The following CFAP20DC variants were observed in gnomAD, a reference collection of about 807,000 sequenced individuals.
CFAP20DC encodes protein CFAP20DC.
Under a neutral mutation model 101.7 loss-of-function variants are expected in CFAP20DC, and 84 were observed. The ratio of observed to expected loss-of-function variants is 0.83; its 90% CI spans 0.69 to 0.99. The LOEUF (loss-of-function observed/expected upper bound fraction) is 0.99. CFAP20DC is among the 50% of genes least tolerant of loss of function. CFAP20DC has a pLI of 0.00. For synonymous variants in CFAP20DC, 359 were observed against 351.2 expected, an observed-to-expected ratio of 1.02 and a Z score of -0.25; for missense variants, 1,007 against 970.3, an observed-to-expected ratio of 1.04 and a Z score of -0.50.
At chr3:58,905,541 T>C (rs543177704) in intron 6 of CFAP20DC, among the ~76,000 whole-genome samples, 1 of 152,274 alleles carries the variant, frequency 6.6e-6, no homozygotes, top group Non-Finnish European at 1.5e-5. Context: ...TGATGCAAGA[T>C]TCCAAAAAAT....
intron 3 of CFAP20DC, among the ~76,000 whole-genome samples, chr3:58,720,490 G>A (rs902188182): frequency 6.6e-6 from 1 of 152,172 alleles, no homozygotes. Context: ...TACCTCCAGA[G>A]GCTTATTAAC....
At chr3:58,866,405 A>G (rs144785487) in intron 11 of CFAP20DC, 161 bp downstream of exon 11, 24 of 542,688 alleles carry the variant, frequency 4.4e-5, no homozygotes, top group African/African-American at 4.3e-4. Context: ...CATCCATTAA[A>G]GTTTGACATA....
intron 4 of CFAP20DC, among the ~76,000 whole-genome samples, chr3:58,986,052 T>C (rs2092739420): frequency 6.6e-6 from 1 of 152,202 alleles, no homozygotes. Context: ...TTGTTTTCCT[T>C]TATTAGAAAC....
At chr3:58,769,279 G>C (rs1277219559) in intron 15 of CFAP20DC, among the ~76,000 whole-genome samples, 1 of 152,176 alleles carries the variant, frequency 6.6e-6, no homozygotes, top group Non-Finnish European at 1.5e-5. Context: ...CATTGATGTA[G>C]TTTATGTCTA....
intron 7 of CFAP20DC, among the ~76,000 whole-genome samples, chr3:58,880,835 C>T (rs574197948): frequency 3.9e-5 from 6 of 152,074 alleles, no homozygotes; most frequent in African/African-American, 1.2e-4. Context: ...ATGATTCAAA[C>T]GTAAGAGATG....
intron 4 of CFAP20DC, among the ~76,000 whole-genome samples, chr3:58,974,844 C>T (rs998725446): frequency 6.6e-5 from 10 of 152,104 alleles, no homozygotes; most frequent in East Asian, 1.9e-4. Flanking sequence ...TTATCCAGCC[C>T]GCCACCACTG....
In CFAP20DC at chr3:58,868,323, G is replaced by C. The variant is rs909036366; in HGVS notation, c.1016-387C>G. The stretch of plus-strand genomic sequence containing the variant: ...ACTATACTTTCAACAAGAGCATAGA[G>C]AGCAGCTTCCAAAAGAGCCCTGGAG... On this transcript the variant is annotated intron_variant, in intron 9 of 16. Transcript: ENST00000482387. This position sits in a 1 kb window ranked among gnomAD's most constrained non-coding sequence, Gnocchi z 4.6. Among the ~76,000 whole-genome samples the C allele has an allele frequency of 3.9e-5, 6 of 152,140 alleles. No homozygotes were observed. Among genetic ancestry groups the C allele is most frequent in the African/African-American group, 1.2e-4 (5 of 41,450 alleles).
At chr3:58,943,247 G>A (rs1306255701) in intron 4 of CFAP20DC, among the ~76,000 whole-genome samples, 1 of 152,176 alleles carries the variant, frequency 6.6e-6, no homozygotes, top group Non-Finnish European at 1.5e-5. Flanking sequence ...CGCCTCAAGT[G>A]GGTCCCTGAC....
intron 14 of CFAP20DC, among the ~76,000 whole-genome samples, chr3:58,811,824 T>A (rs771924071): frequency 1.3e-5 from 2 of 150,040 alleles, no homozygotes; most frequent in African/African-American, 4.9e-5. Context: ...AGGGCTAATA[T>A]CCAGAATCTA....
chr3:58,850,836 T>A (rs1387614753), intron 12 of CFAP20DC, among the ~76,000 whole-genome samples: 2 of 152,120 alleles, frequency 1.3e-5, no homozygotes, highest in Admixed American at 1.3e-4. Context: ...GGGTTGGCAT[T>A]TTAAAAACAA....
At chr3:58,967,350 A>G (rs1161633241) in intron 4 of CFAP20DC, among the ~76,000 whole-genome samples, 2 of 152,216 alleles carry the variant, frequency 1.3e-5, no homozygotes, top group African/African-American at 4.8e-5. Context: ...CTCACATCAT[A>G]TACACAAATT....
At chr3:58,937,072 C>T (rs574410818) in intron 5 of CFAP20DC, among the ~76,000 whole-genome samples, 5 of 151,896 alleles carry the variant, frequency 3.3e-5, no homozygotes, top group Non-Finnish European at 7.4e-5. Flanking sequence ...AGTTTGAGAA[C>T]GACTTGTCAG....
chr3:58,986,773 T>C (rs554663540), intron 4 of CFAP20DC, among the ~76,000 whole-genome samples: 1 of 152,148 alleles, frequency 6.6e-6, no homozygotes, highest in Non-Finnish European at 1.5e-5. Context: ...TAGGGGGACA[T>C]ACCAGCAATC....
intron 10 of CFAP20DC, 101 bp downstream of exon 10, chr3:58,867,716 T>A: frequency 7.4e-7 from 1 of 1,359,872 alleles, no homozygotes; most frequent in Non-Finnish European, 1.0e-6. Flanking sequence ...ATATTTTAAA[T>A]GGATTGGTTC....
intron 4 of CFAP20DC, among the ~76,000 whole-genome samples, chr3:58,946,113 A>ATTT (rs57865077): frequency 1.1e-4 from 14 of 123,806 alleles, no homozygotes; most frequent in Non-Finnish European, 2.0e-4. Flanking sequence ...AACTGCCCCA[A>ATTT]TTTTTTTTTT....
At chr3:59,039,230 C>A (rs1211861539) in intron 4 of CFAP20DC, among the ~76,000 whole-genome samples, 1 of 152,020 alleles carries the variant, frequency 6.6e-6, no homozygotes, top group Non-Finnish European at 1.5e-5. Context: ...CCGTACAAAA[C>A]ATAACATCGC....
intron 16 of CFAP20DC, among the ~76,000 whole-genome samples, chr3:58,747,844 C>T (rs1442212720): frequency 6.6e-6 from 1 of 152,106 alleles, no homozygotes; most frequent in Non-Finnish European, 1.5e-5. Context: ...TTTCAGTTCT[C>T]AGCAAACATG....
intron 15 of CFAP20DC, among the ~76,000 whole-genome samples, chr3:58,775,424 T>C (rs2071233990): frequency 6.6e-6 from 1 of 152,190 alleles, no homozygotes; most frequent in South Asian, 2.1e-4. Flanking sequence ...ATAATTTCCT[T>C]TCACACTAGT....
chr3:58,901,708 T>C (rs77065716), intron 6 of CFAP20DC, among the ~76,000 whole-genome samples: 2,804 of 152,334 alleles, frequency 0.018, 98 homozygotes, highest in African/African-American at 0.063. Flanking sequence ...AAAACTTGGC[T>C]ATCCTGAATG....
Sources: allele counts gnomAD v4.1 joint callset (sites outside exome capture counted in the v4.1 genomes callset), GRCh38; gene constraint gnomAD v4.1.1; non-coding constraint Gnocchi (gnomAD v3.1); transcripts MANE v1.5; gene names NCBI Gene and HGNC (gene_info 2026-07-23, HGNC 2026-07-21).